CTNNA2: variants seen among roughly 807,000 people sequenced by gnomAD.
The protein encoded by CTNNA2 is catenin alpha-2.
CTNNA2 carries 42 observed loss-of-function variants against 101.0 expected under a neutral mutation model. The observed-to-expected ratio is 0.42, with a 90% confidence interval of 0.32 to 0.54. The LOEUF (loss-of-function observed/expected upper bound fraction) is 0.54, where lower values mean the gene tolerates loss of function less well. CTNNA2 is among the 20% of genes least tolerant of loss of function. CTNNA2 has a pLI of 0.14. For missense variants in CTNNA2, 871 were observed against 1,223.1 expected, an observed-to-expected ratio of 0.71 and a Z score of 4.29; for synonymous variants, 450 against 456.4, an observed-to-expected ratio of 0.99 and a Z score of 0.18.
At chr2:80,631,754 A>T (rs1007129883) in intron 18 of CTNNA2, among the ~76,000 whole-genome samples, 3 of 152,174 alleles carry the variant, frequency 2.0e-5, no homozygotes, top group Non-Finnish European at 4.4e-5. Context: ...TGATAAATGC[A>T]CTATACCTGA....
chr2:80,173,728 C>G (rs867344927), intron 7 of CTNNA2, among the ~76,000 whole-genome samples: 7 of 152,160 alleles, frequency 4.6e-5, no homozygotes, highest in Middle Eastern at 3.4e-3. Flanking sequence ...TGCTGCCTGT[C>G]AAGGGAAGGC....
At chr2:79,196,380 T>C (rs986417409) in intron 1 of CTNNA2, among the ~76,000 whole-genome samples, 2 of 152,152 alleles carry the variant, frequency 1.3e-5, no homozygotes, top group Non-Finnish European at 2.9e-5. Context: ...TTGAAAAAAA[T>C]CAATTTTGCT....
At chr2:79,561,830 A>G (rs1468982015) in intron 1 of CTNNA2, among the ~76,000 whole-genome samples, 1 of 151,728 alleles carries the variant, frequency 6.6e-6, no homozygotes, top group Admixed American at 6.6e-5. Context: ...ATTGAGTTAT[A>G]ATAGTTTTTT....
At chr2:79,654,522 C>T (rs76194709) in intron 2 of CTNNA2, among the ~76,000 whole-genome samples, 3,352 of 152,186 alleles carry the variant, frequency 0.022, 63 homozygotes, top group Non-Finnish European at 0.031. Flanking sequence ...ATATTTCCTT[C>T]GATGAATCTT....
Position 79,376,697 on chromosome 2 carries a change from C to T in CTNNA2, c.-135+2684C>T, listed in dbSNP as rs13405312. Among the ~76,000 whole-genome samples, 1,444 of 152,122 alleles carry T rather than the reference C, an allele frequency of 9.5e-3. 27 individuals carry two copies. The highest frequency in any genetic ancestry group is 0.033 in the African/African-American group (1,360 of 41,498). On this transcript the variant is annotated intron_variant, in intron 4 of 21. Transcript: ENST00000466387. ...TCCCCTTGCTGTGTCCATGTGTTCT[C>T]ATTGTTCAATTCCCACCTATGAGTG...
intron 2 of CTNNA2, among the ~76,000 whole-genome samples, chr2:79,688,571 G>A (rs775555114): frequency 6.6e-6 from 1 of 152,030 alleles, no homozygotes; most frequent in East Asian, 1.9e-4. Flanking sequence ...CAAAAAAAGA[G>A]AATTAATTTG....
chr2:79,730,235 T>C (rs1687115428), intron 2 of CTNNA2, among the ~76,000 whole-genome samples: 1 of 152,138 alleles, frequency 6.6e-6, no homozygotes, highest in African/African-American at 2.4e-5. Flanking sequence ...TATTTCCTTG[T>C]TCTCACAAAC....
chr2:79,533,025 C>T (rs1196399327), intron 1 of CTNNA2, among the ~76,000 whole-genome samples: 1 of 151,952 alleles, frequency 6.6e-6, no homozygotes, highest in Admixed American at 6.6e-5. Context: ...TTCAGGGCAC[C>T]TTGGACTCAT....
intron 9 of CTNNA2, among the ~76,000 whole-genome samples, chr2:80,537,999 C>T (rs1691194475): frequency 6.6e-6 from 1 of 152,178 alleles, no homozygotes; most frequent in South Asian, 2.1e-4. Flanking sequence ...AGCTTTTTTT[C>T]ATATGTTTGT....
At chr2:79,453,851 C>T (rs1169658543) in intron 4 of CTNNA2, among the ~76,000 whole-genome samples, 2 of 152,038 alleles carry the variant, frequency 1.3e-5, no homozygotes, top group African/African-American at 4.8e-5. Context: ...GAGACAAAAA[C>T]AGAGAAATAG....
At chr2:79,776,131 C>G (rs750075892) in intron 3 of CTNNA2, among the ~76,000 whole-genome samples, 2 of 152,138 alleles carry the variant, frequency 1.3e-5, no homozygotes, top group Non-Finnish European at 2.9e-5. Flanking sequence ...TAATGAAGAC[C>G]AGTAAACTTT....
chr2:79,990,837 A>T (rs1692123032), intron 7 of CTNNA2, among the ~76,000 whole-genome samples: 2 of 152,148 alleles, frequency 1.3e-5, no homozygotes, highest in African/African-American at 4.8e-5. Context: ...TGATTGGAAT[A>T]GTTTCAGAAG....
At chr2:79,700,462 G>A (rs549776803) in intron 2 of CTNNA2, among the ~76,000 whole-genome samples, 8 of 152,118 alleles carry the variant, frequency 5.3e-5, no homozygotes, top group Admixed American at 2.0e-4. Flanking sequence ...TACAGAAATG[G>A]CCATCTCCAG....
chr2:80,355,747 TTTTC>T (rs1220313120), intron 7 of CTNNA2, among the ~76,000 whole-genome samples: 2 of 152,118 alleles, frequency 1.3e-5, no homozygotes, highest in African/African-American at 2.4e-5. Context: ...TTGGACAACT[TTTTC>T]TTTCTTTCTT....
At chr2:79,964,124 G>A (rs60292094) in intron 7 of CTNNA2, among the ~76,000 whole-genome samples, 62,223 of 151,998 alleles carry the variant, frequency 0.41, 12,794 homozygotes, top group Middle Eastern at 0.51. Context: ...CAGTTGATTC[G>A]TCTCAGAAAT....
At chr2:79,716,582 G>C (rs1228861890) in intron 2 of CTNNA2, among the ~76,000 whole-genome samples, 1 of 152,168 alleles carries the variant, frequency 6.6e-6, no homozygotes, top group Non-Finnish European at 1.5e-5. Flanking sequence ...TCCTGCATTA[G>C]TTTGCTGAGG....
At chr2:79,331,564 C>G (rs567712445) in intron 3 of CTNNA2, among the ~76,000 whole-genome samples, 13 of 152,308 alleles carry the variant, frequency 8.5e-5, no homozygotes, top group Admixed American at 2.6e-4. Flanking sequence ...AGTGGATTCT[C>G]TTACACGGAC....
chr2:80,080,027 C>T (rs565678020), intron 7 of CTNNA2, among the ~76,000 whole-genome samples: 18 of 152,170 alleles, frequency 1.2e-4, no homozygotes, highest in South Asian at 2.1e-4. Flanking sequence ...GAGCCTTGCA[C>T]GTCAATGGGC....
intron 7 of CTNNA2, among the ~76,000 whole-genome samples, chr2:80,161,940 A>C (rs540234277): frequency 6.6e-6 from 1 of 152,280 alleles, no homozygotes; most frequent in South Asian, 2.1e-4. Flanking sequence ...CAGAAATTAT[A>C]CCTAAATTAT....
Sources: allele counts gnomAD v4.1 joint callset (sites outside exome capture counted in the v4.1 genomes callset), GRCh38; gene constraint gnomAD v4.1.1; transcripts MANE v1.5; gene names NCBI Gene and HGNC (gene_info 2026-07-23, HGNC 2026-07-21).